CUL5: variants seen among roughly 807,000 people sequenced by gnomAD.
CUL5 encodes cullin 5, also known as cullin-5.
CUL5 carries 26 observed loss-of-function variants against 108.8 expected under a neutral mutation model. That is an observed-to-expected ratio of 0.24 (90% CI 0.18 to 0.33). The LOEUF is 0.33. CUL5 is among the 10% of genes least tolerant of loss of function. The pLI, the probability that CUL5 is intolerant of heterozygous loss-of-function variation, is 1.00. For synonymous variants in CUL5, 334 were observed against 298.0 expected, an observed-to-expected ratio of 1.12 and a Z score of -1.25; for missense variants, 524 against 909.2, an observed-to-expected ratio of 0.58 and a Z score of 5.45.
intron 2 of CUL5, among the ~76,000 whole-genome samples, chr11:108,038,936 G>T (rs1862817759): frequency 6.6e-6 from 1 of 151,496 alleles, no homozygotes; most frequent in Non-Finnish European, 1.5e-5. Context: ...TTTCTCTATT[G>T]AAGTACTCTT....
chr11:108,033,666 T>A (rs1213782506), intron 1 of CUL5, 136 bp from the exon 2 acceptor site: 2 of 609,088 alleles, frequency 3.3e-6, no homozygotes, highest in African/African-American at 1.9e-5. Flanking sequence ...ATTAAGCCTG[T>A]AGGGATTCCA....
intron 7 of CUL5, among the ~76,000 whole-genome samples, chr11:108,066,640 T>C (rs1342132605): frequency 6.6e-6 from 1 of 152,202 alleles, no homozygotes; most frequent in African/African-American, 2.4e-5. Flanking sequence ...CTATTTGAAT[T>C]CCCGTGGTAA....
intron 1 of CUL5, among the ~76,000 whole-genome samples, chr11:108,014,899 ATTT>A (rs1476447160): frequency 2.7e-5 from 4 of 150,492 alleles, no homozygotes; most frequent in African/African-American, 4.8e-5. Flanking sequence ...TATTATTATT[ATTT>A]TTATTTTTAT....
At chr11:108,052,164 T>G (rs1378114056) in intron 4 of CUL5, among the ~76,000 whole-genome samples, 1 of 151,970 alleles carries the variant, frequency 6.6e-6, no homozygotes, top group Non-Finnish European at 1.5e-5. Context: ...TTGAGATGGG[T>G]CTTACTGTGT....
chr11:108,038,469 C>A (rs187968315), intron 2 of CUL5, among the ~76,000 whole-genome samples: 1 of 152,022 alleles, frequency 6.6e-6, no homozygotes, highest in South Asian at 2.1e-4. Context: ...GGGTGGATTA[C>A]CTGAGGTCAG....
chr11:108,043,536 C>T (rs780094678), intron 2 of CUL5, among the ~76,000 whole-genome samples: 55 of 152,150 alleles, frequency 3.6e-4, no homozygotes, highest in Non-Finnish European at 7.5e-4. Context: ...TTGTAAAGAT[C>T]ACTTTAGCTT....
At chr11:108,048,792 G>T (rs1250831081) in intron 3 of CUL5, among the ~76,000 whole-genome samples, 1 of 150,922 alleles carries the variant, frequency 6.6e-6, no homozygotes, top group East Asian at 1.9e-4. Context: ...TCAGCCTCCC[G>T]AGCAGCTGAG....
At chr11:108,097,592 A>G (rs749873198) in intron 16 of CUL5, 44 bp from the exon 17 acceptor site, 1 of 1,101,848 alleles carries the variant, frequency 9.1e-7, no homozygotes, top group Admixed American at 1.8e-5. Flanking sequence ...TTAGTATTCC[A>G]TACTGTTTAT....
chr11:108,098,009 T>G (rs1322042602), intron 17 of CUL5, among the ~76,000 whole-genome samples: 1 of 152,218 alleles, frequency 6.6e-6, no homozygotes, highest in Non-Finnish European at 1.5e-5. Context: ...CTTTTTGTGC[T>G]CTAAAGCAAC....
At chr11:108,012,744 A>ACGCCAC (rs2135030141) in intron 1 of CUL5, among the ~76,000 whole-genome samples, 1 of 151,888 alleles carries the variant, frequency 6.6e-6, no homozygotes, top group South Asian at 2.1e-4. Context: ...TTACAGGCAC[A>ACGCCAC]CGCCACCACA....
chr11:108,094,067 TA>T (rs1864427173), intron 13 of CUL5, among the ~76,000 whole-genome samples: 1 of 152,236 alleles, frequency 6.6e-6, no homozygotes, highest in South Asian at 2.1e-4. Context: ...GAGCTAGAAA[TA>T]AAGTTTTTAC....
chr11:108,096,564 C>CTTT (rs71047671), intron 16 of CUL5, among the ~76,000 whole-genome samples: 5 of 45,862 alleles, frequency 1.1e-4, no homozygotes, highest in East Asian at 7.6e-4. Context: ...CAGCTATGTA[C>CTTT]TTTTTTTTTT....
At chr11:108,081,908 A>G (rs541114348) in intron 11 of CUL5, among the ~76,000 whole-genome samples, 11 of 152,284 alleles carry the variant, frequency 7.2e-5, no homozygotes, top group African/African-American at 2.4e-4. Context: ...GCATGTTTCA[A>G]GTTGGTTCTT....
At chr11:108,074,971 G>C (rs530098372) in intron 10 of CUL5, among the ~76,000 whole-genome samples, 7 of 152,252 alleles carry the variant, frequency 4.6e-5, no homozygotes, top group Admixed American at 1.3e-4. Context: ...GAAGGAGTTA[G>C]TTTTTACTGT....
chr11:108,079,189 T>C (rs891970051), intron 11 of CUL5, among the ~76,000 whole-genome samples: 2 of 152,138 alleles, frequency 1.3e-5, no homozygotes, highest in African/African-American at 2.4e-5. Flanking sequence ...CTGCAACCTT[T>C]ACCTCCCGGA....
intron 2 of CUL5, among the ~76,000 whole-genome samples, chr11:108,039,480 C>T (rs898631770): frequency 3.3e-5 from 5 of 152,196 alleles, no homozygotes; most frequent in Admixed American, 1.3e-4. Flanking sequence ...AGAACTGCTG[C>T]TCTAGATCCA....
intron 17 of CUL5, among the ~76,000 whole-genome samples, chr11:108,098,011 T>C (rs780980256): frequency 6.6e-6 from 1 of 152,230 alleles, no homozygotes; most frequent in Admixed American, 6.5e-5. Flanking sequence ...TTTTGTGCTC[T>C]AAAGCAACTT....
chr11:108,057,666 A>T (rs1240287084), intron 7 of CUL5, among the ~76,000 whole-genome samples: 1 of 152,230 alleles, frequency 6.6e-6, no homozygotes, highest in Non-Finnish European at 1.5e-5. Context: ...CACAGATTGT[A>T]TGAGAGTAGG....
chr11:108,102,118 T>C (rs1864687774), intron 18 of CUL5, among the ~76,000 whole-genome samples: 1 of 150,906 alleles, frequency 6.6e-6, no homozygotes. Context: ...ACCTCCCAGG[T>C]TCAAATGATT....
Sources: allele counts gnomAD v4.1 joint callset (sites outside exome capture counted in the v4.1 genomes callset), GRCh38; gene constraint gnomAD v4.1.1; transcripts MANE v1.5; gene names NCBI Gene and HGNC (gene_info 2026-07-23, HGNC 2026-07-21).